The following CATSPERT variants were observed in gnomAD, a reference collection of about 807,000 sequenced individuals.
CATSPERT encodes cation channel sperm-associated targeting subunit tau.
At chr2:201,492,137 C>G in the CATSPERT span, 1 of 1,526,046 alleles carries the variant, frequency 6.6e-7, no homozygotes, top group South Asian at 1.2e-5. Context: ...CTAAGTTTAT[C>G]CTCAGAAACC....
chr2:201,524,647 T>C, the CATSPERT span, among the ~76,000 whole-genome samples: 1 of 152,176 alleles, frequency 6.6e-6, no homozygotes, highest in East Asian at 1.9e-4. Flanking sequence ...GTAAATGTAA[T>C]GTGCCTCCAC....
chr2:201,536,232 T>G, the CATSPERT span: 16 of 1,613,344 alleles, frequency 9.9e-6, no homozygotes, highest in African/African-American at 2.7e-5. Context: ...TGATTCATCA[T>G]TTTTAGAAGC....
At chr2:201,551,767 G>A in the CATSPERT span, among the ~76,000 whole-genome samples, 1 of 152,002 alleles carries the variant, frequency 6.6e-6, no homozygotes, top group South Asian at 2.1e-4. Context: ...TATTAGCCGG[G>A]CATGGTGGTG....
At chr2:201,524,789 C>A in the CATSPERT span, among the ~76,000 whole-genome samples, 1 of 152,106 alleles carries the variant, frequency 6.6e-6, no homozygotes, top group African/African-American at 2.4e-5. Context: ...ATCAAGCAAA[C>A]AAAACAAAAG....
At chr2:201,613,675 C>A in the CATSPERT span, among the ~76,000 whole-genome samples, 11 of 152,306 alleles carry the variant, frequency 7.2e-5, no homozygotes, top group South Asian at 2.3e-3. Context: ...AGCTCCTCGC[C>A]AGCAAGGGAA....
At chr2:201,543,883 A>T in the CATSPERT span, among the ~76,000 whole-genome samples, 2 of 152,046 alleles carry the variant, frequency 1.3e-5, no homozygotes. Flanking sequence ...TTATACTTTA[A>T]GTTCTAGGGT....
the CATSPERT span, among the ~76,000 whole-genome samples, chr2:201,578,502 C>T: frequency 6.6e-6 from 1 of 152,062 alleles, no homozygotes; most frequent in Non-Finnish European, 1.5e-5. Context: ...CTGTTGAGCC[C>T]ATTCAGCAAA....
At chr2:201,525,491 C>A in the CATSPERT span, among the ~76,000 whole-genome samples, 8 of 152,250 alleles carry the variant, frequency 5.3e-5, no homozygotes, top group African/African-American at 1.7e-4. Flanking sequence ...TAAATGCCCA[C>A]ATCAAAAGTT....
the CATSPERT span, among the ~76,000 whole-genome samples, chr2:201,538,458 T>G: frequency 4.6e-5 from 7 of 152,246 alleles, no homozygotes; most frequent in African/African-American, 1.4e-4. Context: ...CAACCTTGCG[T>G]TGAGCAAGAC....
At chr2:201,559,706 C>T in the CATSPERT span, among the ~76,000 whole-genome samples, 1 of 152,210 alleles carries the variant, frequency 6.6e-6, no homozygotes, top group African/African-American at 2.4e-5. Flanking sequence ...GAAGACTAAA[C>T]TACTGGATCC....
At chr2:201,496,185 T>C in the CATSPERT span, among the ~76,000 whole-genome samples, 3 of 152,058 alleles carry the variant, frequency 2.0e-5, no homozygotes, top group African/African-American at 7.2e-5. Context: ...CCTATTGAAT[T>C]TGTAAAGTCA....
At chr2:201,492,106 T>C in the CATSPERT span, 9 of 1,526,838 alleles carry the variant, frequency 5.9e-6, no homozygotes, top group Non-Finnish European at 7.9e-6. Flanking sequence ...CTTTTCTTTC[T>C]CTCGAATCAA....
At chr2:201,618,409 G>T in the CATSPERT span, among the ~76,000 whole-genome samples, 1 of 151,960 alleles carries the variant, frequency 6.6e-6, no homozygotes, top group African/African-American at 2.4e-5. Context: ...TGTCCTTTGT[G>T]GGGTCATGGA....
At chr2:201,581,895 T>G in the CATSPERT span, among the ~76,000 whole-genome samples, 1 of 151,748 alleles carries the variant, frequency 6.6e-6, no homozygotes, top group Admixed American at 6.6e-5. Context: ...GGCTGGAAAA[T>G]AAATTTTTAG....
At chr2:201,603,514 G>C in the CATSPERT span, among the ~76,000 whole-genome samples, 2 of 152,036 alleles carry the variant, frequency 1.3e-5, no homozygotes, top group Non-Finnish European at 2.9e-5. Context: ...AGAATACAAA[G>C]CCAAAGAATA....
chr2:201,567,865 A>G, the CATSPERT span, among the ~76,000 whole-genome samples: 1 of 152,214 alleles, frequency 6.6e-6, no homozygotes, highest in African/African-American at 2.4e-5. Flanking sequence ...GATCTGTTGC[A>G]TGATATGATC....
chr2:201,582,863 G>T, the CATSPERT span, among the ~76,000 whole-genome samples: 1 of 151,996 alleles, frequency 6.6e-6, no homozygotes, highest in African/African-American at 2.4e-5. Context: ...TCTCCTGATG[G>T]TTGAAATCAG....
chr2:201,516,348 C>G, the CATSPERT span, among the ~76,000 whole-genome samples: 2 of 152,098 alleles, frequency 1.3e-5, no homozygotes, highest in African/African-American at 2.4e-5. Context: ...TTGAGGAGGC[C>G]TCAGGAAACT....
the CATSPERT span, among the ~76,000 whole-genome samples, chr2:201,522,930 G>A: frequency 6.6e-6 from 1 of 152,182 alleles, no homozygotes. Flanking sequence ...TCCCTACTTG[G>A]CCACTCCGAC....
Sources: gnomAD v4.1 joint callset for allele counts (sites outside exome capture counted in the v4.1 genomes callset) on GRCh38, gnomAD v4.1.1 for gene constraint, MANE v1.5 for transcripts, NCBI Gene and HGNC (gene_info 2026-07-23, HGNC 2026-07-21) for gene names.